The following KCNK13 variants were observed in gnomAD, a reference collection of about 807,000 sequenced individuals.
KCNK13 encodes potassium channel subfamily K member 13.
KCNK13 carries 12 observed loss-of-function variants against 23.4 expected under a neutral mutation model. That is an observed-to-expected ratio of 0.51 (90% CI 0.33 to 0.83). KCNK13 has a LOEUF of 0.83. KCNK13 is among the 40% of genes least tolerant of loss of function. KCNK13 has a pLI of 0.02. For synonymous variants in KCNK13, 231 were observed against 229.5 expected (o/e 1.01, Z -0.06); for missense variants, 463 against 556.3 (o/e 0.83, Z 1.69).
At chr14:90,101,802 A>AAAAAAAAAAAAAAC (rs1889482903) in intron 1 of KCNK13, among the ~76,000 whole-genome samples, 1 of 150,104 alleles carries the variant, frequency 6.7e-6, no homozygotes, top group Non-Finnish European at 1.5e-5. Context: ...AAAAAAAAAA[A>AAAAAAAAAAAAAAC]AAAAAAAAAA....
chr14:90,082,490 G>A (rs1311196329), intron 1 of KCNK13, among the ~76,000 whole-genome samples: 4 of 152,084 alleles, frequency 2.6e-5, no homozygotes, highest in African/African-American at 9.7e-5. Context: ...CTATAGATCT[G>A]CCTATTCTGG....
intron 1 of KCNK13, among the ~76,000 whole-genome samples, chr14:90,147,254 A>G (rs1174979974): frequency 6.6e-6 from 1 of 151,866 alleles, no homozygotes; most frequent in East Asian, 1.9e-4. Context: ...ATATTTTTCT[A>G]ATTTTTTCTT....
At chr14:90,124,133 T>G (rs1299397313) in intron 1 of KCNK13, among the ~76,000 whole-genome samples, 1 of 152,244 alleles carries the variant, frequency 6.6e-6, no homozygotes, top group Non-Finnish European at 1.5e-5. Flanking sequence ...GATAGGATAC[T>G]TTCTAATCAG....
At chr14:90,133,504 T>C (rs77035247) in intron 1 of KCNK13, among the ~76,000 whole-genome samples, 7,921 of 151,726 alleles carry the variant, frequency 0.052, 284 homozygotes, top group South Asian at 0.1. Flanking sequence ...AGACATTGAA[T>C]TGTGCACTTT....
chr14:90,154,768 G>C (rs1024360995), intron 1 of KCNK13, among the ~76,000 whole-genome samples: 7 of 152,064 alleles, frequency 4.6e-5, no homozygotes, highest in African/African-American at 1.5e-4. Context: ...ATTTTCCCTT[G>C]GACACTTGCT....
intron 1 of KCNK13, among the ~76,000 whole-genome samples, chr14:90,159,513 G>C (rs1218280559): frequency 6.6e-6 from 1 of 152,142 alleles, no homozygotes; most frequent in Admixed American, 6.5e-5. Flanking sequence ...GCTGCAGGAG[G>C]GCAAAGGTGT....
intron 1 of KCNK13, among the ~76,000 whole-genome samples, chr14:90,077,268 C>T (rs1275028769): frequency 3.3e-5 from 5 of 151,866 alleles, no homozygotes; most frequent in Non-Finnish European, 7.4e-5. Flanking sequence ...TACAGGCACT[C>T]ACCACCACGC....
chr14:90,127,657 A>G (rs564587556), intron 1 of KCNK13, among the ~76,000 whole-genome samples: 59 of 151,438 alleles, frequency 3.9e-4, no homozygotes, highest in African/African-American at 1.3e-3. Context: ...CTAAAAAAAA[A>G]AAAAAGAAAA....
chr14:90,097,735 G>A (rs1013037748), intron 1 of KCNK13, among the ~76,000 whole-genome samples: 2 of 152,124 alleles, frequency 1.3e-5, no homozygotes, highest in African/African-American at 4.8e-5. Flanking sequence ...TGTGGACTAA[G>A]CAATCAGATT....
chr14:90,100,019 AC>A (rs1277043043), intron 1 of KCNK13, among the ~76,000 whole-genome samples: 1 of 152,114 alleles, frequency 6.6e-6, no homozygotes, highest in African/African-American at 2.4e-5. Flanking sequence ...TTTGCACATT[AC>A]CTAAGGCTCA....
chr14:90,177,386 CATCACCTCGAA>C (rs1890434643), intron 1 of KCNK13: 2 of 152,144 alleles, frequency 1.3e-5, no homozygotes, highest in African/African-American at 4.8e-5. Flanking sequence ...TTTGTGTTAT[CATCACCTCGAA>C]ATAACCTGAT....
At chr14:90,074,903 CTATTTT>C (rs1287620008) in intron 1 of KCNK13, among the ~76,000 whole-genome samples, 4 of 152,254 alleles carry the variant, frequency 2.6e-5, no homozygotes, top group Admixed American at 6.5e-5. Context: ...ATGCTAATAC[CTATTTT>C]TAAACTGAGA....
intron 1 of KCNK13, among the ~76,000 whole-genome samples, chr14:90,141,022 T>C (rs1213370843): frequency 6.6e-6 from 1 of 152,130 alleles, no homozygotes; most frequent in Non-Finnish European, 1.5e-5. Context: ...AGGGCGTCAC[T>C]CCGCCACCTG....
chr14:90,062,110 G>A lies in KCNK13; in HGVS notation c.-96G>A. On this transcript the variant is annotated 5_prime_UTR_variant, in exon 1 of 2. Transcript: ENST00000282146. The surrounding 1 kb of genome is among the most constrained non-coding windows in gnomAD (Gnocchi z 4.5). ...GCCGGCGGTGGGGCGCCCGGGAGCT[G>A]GCTGAGCGCCGGGGCCCTTATTTCC... 2.4e-6 allele frequency: 2 copies of A among 833,190 alleles called. No individual in the cohort carries two copies. Among genetic ancestry groups the A allele is most frequent in the Non-Finnish European group, 3.3e-6 (2 of 609,022 alleles). 51.6% of individuals were successfully genotyped at this position (833,190 alleles called of 1,614,324 possible). A position where few individuals can be genotyped will look rare whatever the true frequency, so the allele number is the denominator to read the frequency against.
intron 1 of KCNK13, among the ~76,000 whole-genome samples, chr14:90,133,023 G>A (rs922555804): frequency 1.3e-5 from 2 of 152,204 alleles, no homozygotes; most frequent in African/African-American, 4.8e-5. Flanking sequence ...CTTATCTAAC[G>A]TTTGGACGAC....
chr14:90,183,742 C>T (rs911237887), intron 1 of KCNK13, among the ~76,000 whole-genome samples: 8 of 152,292 alleles, frequency 5.3e-5, no homozygotes, highest in Admixed American at 2.0e-4. Context: ...TAAACATGAT[C>T]TGTTGAGTAT....
chr14:90,105,473 T>C lies in KCNK13; in HGVS notation c.334+42934T>C, dbSNP rs115856689. ...AAATCAAGTGACAGAACAACCAACG[T>C]TGGAGCAACCCAAGTTTTTATACAG... On this transcript the variant is annotated intron_variant, in intron 1 of 1. Transcript: ENST00000282146. Among the ~76,000 whole-genome samples the C allele has an allele frequency of 6.4e-4, 98 of 152,216 alleles. 1 individual carries two copies. Among genetic ancestry groups the C allele is most frequent in the African/African-American group, 2.2e-3 (92 of 41,548 alleles).
chr14:90,168,209 A>G (rs568976245), intron 1 of KCNK13, among the ~76,000 whole-genome samples: 1 of 152,228 alleles, frequency 6.6e-6, no homozygotes, highest in South Asian at 2.1e-4. Context: ...CCCCATCTCT[A>G]TAAAAGATAC....
intron 1 of KCNK13, among the ~76,000 whole-genome samples, chr14:90,169,882 C>A (rs1191154218): frequency 6.6e-6 from 1 of 152,184 alleles, no homozygotes. Flanking sequence ...TTTTAAGGAA[C>A]AGCCTCCAAC....
Sources: gnomAD v4.1 joint callset for allele counts (sites outside exome capture counted in the v4.1 genomes callset) on GRCh38, gnomAD v4.1.1 for gene constraint, Gnocchi (gnomAD v3.1) non-coding constraint, MANE v1.5 for transcripts, NCBI Gene and HGNC (gene_info 2026-07-23, HGNC 2026-07-21) for gene names.